The following CDC27 variants were observed in gnomAD, a reference collection of about 807,000 sequenced individuals.
CDC27 encodes cell division cycle protein 27 homolog.
A neutral mutation model predicts 109.7 loss-of-function variants in CDC27; 27 were observed. The ratio of observed to expected loss-of-function variants is 0.25; its 90% CI spans 0.18 to 0.34. The LOEUF (loss-of-function observed/expected upper bound fraction) is 0.34, where lower values mean the gene tolerates loss of function less well. Among genes scored for constraint, CDC27 ranks in the 10% least tolerant of loss-of-function variants. The probability of loss-of-function intolerance (pLI) is 1.00; values close to 1 mark genes in which losing one functional copy is unlikely to be tolerated. For missense variants in CDC27, 579 were observed against 960.2 expected (o/e 0.60, Z 5.25); for synonymous variants, 266 against 333.9 (o/e 0.80, Z 2.22).
intron 14 of CDC27, among the ~76,000 whole-genome samples, chr17:47,135,165 C>T (rs2062540424): frequency 6.6e-6 from 1 of 152,022 alleles, no homozygotes; most frequent in Admixed American, 6.6e-5. Flanking sequence ...AATGCTATTC[C>T]CACATTTCTG....
intron 9 of CDC27, among the ~76,000 whole-genome samples, chr17:47,151,140 G>A (rs1433948309): frequency 1.3e-5 from 2 of 152,202 alleles, no homozygotes; most frequent in Non-Finnish European, 2.9e-5. Flanking sequence ...TTTGCAGGAG[G>A]TCTCAAGTTC....
intron 16 of CDC27, among the ~76,000 whole-genome samples, chr17:47,129,103 G>T (rs2148813213): frequency 6.6e-6 from 1 of 151,982 alleles, no homozygotes; most frequent in Non-Finnish European, 1.5e-5. Flanking sequence ...CACTTATTTT[G>T]GTCCTAAGAG....
At chr17:47,158,175 A>G in intron 5 of CDC27, 31 bp downstream of exon 5, 1 of 958,806 alleles carries the variant, frequency 1.0e-6, no homozygotes, top group Non-Finnish European at 1.5e-6. Context: ...GGAGATGGGA[A>G]CCCACCCACC....
At chr17:47,138,512 C>T (rs960700031) in intron 13 of CDC27, among the ~76,000 whole-genome samples, 4 of 152,108 alleles carry the variant, frequency 2.6e-5, no homozygotes, top group Non-Finnish European at 4.4e-5. Flanking sequence ...AGTCAAATCT[C>T]GATAAATCCT....
At chr17:47,125,827 CTGCTG>C in intron 16 of CDC27, among the ~76,000 whole-genome samples, 1 of 152,202 alleles carries the variant, frequency 6.6e-6, no homozygotes, top group Non-Finnish European at 1.5e-5. Context: ...CAGGCGTGAG[CTGCTG>C]CGCCTGGCCT....
chr17:47,143,864 A>C lies in CDC27; in HGVS notation c.1170+19T>G. On this transcript the variant is annotated intron_variant, in intron 10 of 18. Coordinates refer to ENST00000066544, the MANE Select transcript of CDC27 (RefSeq NM_001256.6). Reference sequence around the variant, plus strand: ...GCGAAGCATTAAGTAAATGTGACATACAGAAATCTTTAAATTACCTTGGTT... The same window carrying C: ...GCGAAGCATTAAGTAAATGTGACATCCAGAAATCTTTAAATTACCTTGGTT... 1 of 1,248,638 alleles carries C rather than the reference A, an allele frequency of 8.0e-7. No homozygotes were observed. The highest frequency in any genetic ancestry group is 2.1e-5 in the South Asian group (1 of 48,692). 77.3% of individuals were successfully genotyped at this position (1,248,638 alleles called of 1,614,324 possible). A position where few individuals can be genotyped will look rare whatever the true frequency, so the allele number is the denominator to read the frequency against.
Position 47,132,394 on chromosome 17 carries a change from T to A in CDC27, c.1914-20A>T, listed in dbSNP as rs1568372295. The stretch of plus-strand genomic sequence containing the variant: ...CCATACCTGAAAGTATAAAACAAAG[T>A]ATAATTTTAAAAATATAAAGTTTAG... On this transcript the variant is annotated intron_variant, in intron 14 of 18. Coordinates refer to ENST00000066544, the MANE Select transcript of CDC27 (RefSeq NM_001256.6). The A allele has an allele frequency of 8.4e-7, 1 of 1,188,698 alleles. No individual in the cohort carries two copies. The highest frequency in any genetic ancestry group is 1.2e-6 in the Non-Finnish European group (1 of 831,764). 73.6% of individuals were successfully genotyped at this position (1,188,698 alleles called of 1,614,324 possible).
chr17:47,156,264 G>A (rs1197508440), intron 7 of CDC27, among the ~76,000 whole-genome samples: 3 of 151,556 alleles, frequency 2.0e-5, no homozygotes, highest in South Asian at 2.1e-4. Flanking sequence ...TCAGCCTCCC[G>A]AGTAGCTGGA....
At chr17:47,133,054 C>CACATAT (rs2062424520) in intron 14 of CDC27, among the ~76,000 whole-genome samples, 1 of 55,080 alleles carries the variant, frequency 1.8e-5, no homozygotes, top group Non-Finnish European at 3.5e-5. Flanking sequence ...CACACACACA[C>CACATAT]ATACATATAC....
intron 16 of CDC27, among the ~76,000 whole-genome samples, chr17:47,125,235 C>CTTTTTTTT (rs58631604): frequency 2.1e-5 from 1 of 48,044 alleles, no homozygotes; most frequent in Non-Finnish European, 3.6e-5. Context: ...TTAAAGAAAT[C>CTTTTTTTT]TTTTTTTTTT....
chr17:47,142,512 A>G, intron 10 of CDC27, 76 bp from the exon 11 acceptor site: 2 of 586,626 alleles, frequency 3.4e-6, no homozygotes, highest in African/African-American at 1.9e-5. Context: ...CTCCAGTATT[A>G]GATATAAAAT....
chr17:47,164,704 C>A lies in CDC27; in HGVS notation c.377+5213G>T, dbSNP rs528143416. Among the ~76,000 whole-genome samples, 5 of 152,250 alleles carry A rather than the reference C, an allele frequency of 3.3e-5. No individual in the cohort carries two copies. The East Asian group carries it at 9.7e-4, about 29-fold the overall frequency. Reference sequence around the variant, plus strand: ...TGGTGGCGCTCACATGTAATCCCAGCTACTCCGGAGGCTGAGGCACGAGAA... The same window carrying A: ...TGGTGGCGCTCACATGTAATCCCAGATACTCCGGAGGCTGAGGCACGAGAA... On this transcript the variant is annotated intron_variant, in intron 4 of 18. Transcript: ENST00000066544.
intron 4 of CDC27, among the ~76,000 whole-genome samples, chr17:47,160,361 G>A (rs566153705): frequency 4.6e-5 from 7 of 151,890 alleles, no homozygotes; most frequent in East Asian, 1.9e-4. Flanking sequence ...CCGAGTAGCT[G>A]GGATTACAGG....
intron 1 of CDC27, chr17:47,188,607 G>C: frequency 3.0e-6 from 1 of 336,772 alleles, no homozygotes; most frequent in Non-Finnish European, 4.2e-6. Flanking sequence ...TTGTCCGGTG[G>C]GAAATTCACC....
intron 2 of CDC27, among the ~76,000 whole-genome samples, chr17:47,180,945 T>TCAAAAAAAAAAAAAAAAAA (rs1555560988): frequency 9.0e-6 from 1 of 111,668 alleles, no homozygotes; most frequent in Non-Finnish European, 1.8e-5. Context: ...ACTCTTTTCT[T>TCAAAAAAAAAAAAAAAAAA]AAAAAAAAAA....
At chr17:47,136,938 G>T (rs1188143302) in intron 14 of CDC27, among the ~76,000 whole-genome samples, 2 of 152,134 alleles carry the variant, frequency 1.3e-5, no homozygotes, top group Non-Finnish European at 2.9e-5. Flanking sequence ...TGAGTATAAG[G>T]ATCTGGTATT....
chr17:47,143,902 C>G lies in CDC27; in HGVS notation c.1151G>C (p.Ser384Thr). The change falls in exon 10 of 19, where the codon AGT becomes ACT. Residue 384 changes from serine to threonine, a missense_variant. Coordinates refer to ENST00000066544, the MANE Select transcript of CDC27 (RefSeq NM_001256.6). Reference protein sequence around the residue: ...LPRRSSRLFTSDSSTTKENSK... With the variant: ...LPRRSSRLFTTDSSTTKENSK... ...AATTACCTTGGTTGTGGAGCTGTCA[C>G]TAGTAAAGAGTCGTGAACTTCTTCG... 6.8e-7 allele frequency: 1 copy of G among 1,475,388 alleles called. No individual in the cohort carries two copies. Among genetic ancestry groups the G allele is most frequent in the Non-Finnish European group, 9.1e-7 (1 of 1,103,776 alleles). 91.4% of individuals were successfully genotyped at this position (1,475,388 alleles called of 1,614,324 possible). A position where few individuals can be genotyped will look rare whatever the true frequency, so the allele number is the denominator to read the frequency against.
chr17:47,136,901 A>G (rs1380830081), intron 14 of CDC27, among the ~76,000 whole-genome samples: 1 of 152,270 alleles, frequency 6.6e-6, no homozygotes, highest in Non-Finnish European at 1.5e-5. Flanking sequence ...CAGTATCTGC[A>G]AAAGTTTGGT....
chr17:47,179,315 A>G lies in CDC27; in HGVS notation c.103+2247T>C, dbSNP rs1259314703. Among the ~76,000 whole-genome samples the G allele has an allele frequency of 3.8e-5, 5 of 132,434 alleles. No homozygotes were observed. In the South Asian group the frequency reaches 1.2e-3, roughly 32 times the overall value. 86.9% of individuals were successfully genotyped at this position (132,434 alleles called of 152,430 possible). A position where few individuals can be genotyped will look rare whatever the true frequency, so the allele number is the denominator to read the frequency against. On this transcript the variant is annotated intron_variant, in intron 2 of 18. Transcript: ENST00000066544. ...CCTGAGCAAACAGGTTACATCTAGC[A>G]TATCAACTGATATTGTCCACCAAGA... is the stretch of plus-strand genomic sequence containing the variant.
Sources: allele counts gnomAD v4.1 joint callset (sites outside exome capture counted in the v4.1 genomes callset), GRCh38; gene constraint gnomAD v4.1.1; transcripts MANE v1.5; gene names NCBI Gene and HGNC (gene_info 2026-07-23, HGNC 2026-07-21).